INPP5D: variants seen among roughly 807,000 people sequenced by gnomAD.
The protein encoded by INPP5D is inositol polyphosphate-5-phosphatase D.
Under a neutral mutation model 122.9 loss-of-function variants are expected in INPP5D, and 33 were observed. That is an observed-to-expected ratio of 0.27 (90% CI 0.20 to 0.36). The LOEUF is 0.36. Among genes scored for constraint, INPP5D ranks in the 10% least tolerant of loss-of-function variants. INPP5D has a pLI of 1.00. For missense variants in INPP5D, 1,053 were observed against 1,412.7 expected, an observed-to-expected ratio of 0.75 and a Z score of 4.08; for synonymous variants, 584 against 576.2, an observed-to-expected ratio of 1.01 and a Z score of -0.19.
At chr2:233,135,262 T>C (rs1693436951) in intron 5 of INPP5D, among the ~76,000 whole-genome samples, 1 of 151,802 alleles carries the variant, frequency 6.6e-6, no homozygotes, top group Non-Finnish European at 1.5e-5. Flanking sequence ...AGTAGTGGGA[T>C]CATAGCTTAT....
At chr2:233,194,708 G>A (rs1695139230) in intron 23 of INPP5D, among the ~76,000 whole-genome samples, 2 of 152,174 alleles carry the variant, frequency 1.3e-5, no homozygotes, top group South Asian at 4.1e-4. Context: ...ACGTTGACTA[G>A]GCTAGTCTGG....
intron 9 of INPP5D, among the ~76,000 whole-genome samples, chr2:233,154,938 T>G (rs1694008011): frequency 6.6e-6 from 1 of 152,230 alleles, no homozygotes; most frequent in Admixed American, 6.5e-5. Flanking sequence ...ACTCAGTCAG[T>G]ACTGAAACCG....
At position 233,078,937 on chromosome 2, in the gene INPP5D, T is replaced by A. The variant is rs1236827935; in HGVS notation, c.135-398T>A. Among the ~76,000 whole-genome samples the A allele has an allele frequency of 6.6e-6, 1 of 152,140 alleles. No individual in the cohort carries two copies. The highest frequency in any genetic ancestry group is 1.5e-5 in the Non-Finnish European group (1 of 68,028). The stretch of plus-strand genomic sequence containing the variant: ...ACCTTGTGATCCACCCATCTCAGCC[T>A]CCCAAAGTGCTGGGATTACAGGCGT... On this transcript the variant is annotated intron_variant, in intron 1 of 26. Transcript: ENST00000445964. The surrounding 1 kb of genome is among the most constrained non-coding windows in gnomAD (Gnocchi z 4.6).
intron 2 of INPP5D, among the ~76,000 whole-genome samples, chr2:233,110,872 C>T (rs564454180): frequency 6.6e-6 from 1 of 151,908 alleles, no homozygotes; most frequent in African/African-American, 2.4e-5. Flanking sequence ...TTGCAGTGAG[C>T]CAAGATCACA....
intron 9 of INPP5D, among the ~76,000 whole-genome samples, chr2:233,151,247 A>C (rs925660085): frequency 6.6e-6 from 1 of 152,052 alleles, no homozygotes; most frequent in Non-Finnish European, 1.5e-5. Flanking sequence ...CTGAAGTGGG[A>C]GGATCACTTG....
At chr2:233,070,671 G>A (rs150332206) in intron 1 of INPP5D, among the ~76,000 whole-genome samples, 218 of 152,160 alleles carry the variant, frequency 1.4e-3, no homozygotes, top group African/African-American at 5.0e-3. Flanking sequence ...TCAAACTCCT[G>A]ACCTTGTGGT....
chr2:233,171,861 G>T (rs1694500246), intron 17 of INPP5D, among the ~76,000 whole-genome samples: 1 of 152,206 alleles, frequency 6.6e-6, no homozygotes, highest in South Asian at 2.1e-4. Context: ...CCCCTGGCAG[G>T]ATTCAAGGGT....
rs1445889093 is a variant in INPP5D, at chr2:233,158,390, C to A, written c.1108C>A (p.Arg370=). The A allele has an allele frequency of 4.3e-6, 3 of 703,374 alleles. No individual in the cohort carries two copies. Among genetic ancestry groups the A allele is most frequent in the East Asian group, 2.7e-5 (1 of 37,256 alleles). The allele number at this position is 703,374 out of a possible 1,614,324, so 43.6% of individuals were successfully genotyped here. A position where few individuals can be genotyped will look rare whatever the true frequency, so the allele number is the denominator to read the frequency against. Residue 370 remains arginine (R), a synonymous_variant, in exon 10 of 27, where the codon CGG becomes AGG. Transcript: ENST00000445964. ...LVETEKEKIL[R]KEYVFADSKK... ...GGAAACAGAGAAGGAGAAGATCCTG[C>A]GGAAGGAATATGTTTTTGCTGACTC...
In INPP5D at chr2:233,171,148, C is replaced by A; in HGVS notation, c.1985C>A (p.Thr662Lys). The change falls in exon 17 of 27, where the codon ACA (threonine) becomes AAA (lysine). Residue 662 changes from threonine (T) to lysine (K), a missense_variant. Physicochemically the swap from Thr to Lys is moderately conservative, Grantham distance 78. Transcript: ENST00000445964. ...TACGCCTACACCAAGCAGAAAGCGACAGGGGTGAGTCCTCTTCATAGACAC... is the reference window on the plus strand; with the variant it reads ...TACGCCTACACCAAGCAGAAAGCGAAAGGGGTGAGTCCTCTTCATAGACAC... Reference protein sequence around the residue: ...DKYAYTKQKATGMKYNLPSWC... With the variant: ...DKYAYTKQKAKGMKYNLPSWC... The A allele has an allele frequency of 6.2e-7, 1 of 1,613,686 alleles. No homozygotes were observed. Among genetic ancestry groups the A allele is most frequent in the Non-Finnish European group, 8.5e-7 (1 of 1,179,824 alleles).
chr2:233,150,830 G>A (rs1353671399), intron 9 of INPP5D, among the ~76,000 whole-genome samples: 1 of 152,108 alleles, frequency 6.6e-6, no homozygotes, highest in African/African-American at 2.4e-5. Flanking sequence ...GTGAGGGCAG[G>A]AGACTTCACA....
chr2:233,202,943 A>G (rs1294357628), intron 25 of INPP5D, among the ~76,000 whole-genome samples: 6 of 152,166 alleles, frequency 3.9e-5, no homozygotes, highest in African/African-American at 1.4e-4. Flanking sequence ...CAAGTGTCCA[A>G]GTTCCCTCTG....
At chr2:233,096,784 T>C (rs1447790619) in intron 2 of INPP5D, among the ~76,000 whole-genome samples, 1 of 152,222 alleles carries the variant, frequency 6.6e-6, no homozygotes, top group African/African-American at 2.4e-5. Context: ...AAACCCTTTA[T>C]ATGTTTTGTA....
intron 9 of INPP5D, among the ~76,000 whole-genome samples, chr2:233,152,864 G>T (rs889305818): frequency 2.6e-5 from 1 of 37,854 alleles, no homozygotes; most frequent in East Asian, 1.8e-3. Flanking sequence ...GTTTTCAGCT[G>T]GGGGGGGTGT....
chr2:233,071,300 A>G (rs1004867678), intron 1 of INPP5D, among the ~76,000 whole-genome samples: 1 of 124,264 alleles, frequency 8.0e-6, no homozygotes, highest in African/African-American at 3.1e-5. Context: ...CAAAAAAAGG[A>G]AAAAAAAAAA....
In INPP5D at chr2:233,189,704, C is replaced by G; in HGVS notation, c.2359-146C>G. On this transcript the variant is annotated intron_variant, in intron 21 of 26. Coordinates refer to ENST00000445964, the MANE Select transcript of INPP5D (RefSeq NM_001017915.3). This position sits in a 1 kb window ranked among gnomAD's most constrained non-coding sequence, Gnocchi z 5.6. ...ACAGGGTGTATGTGAAAGCTATACC[C>G]CACCTGCTCTCTTGGGTATGGACAG... is the stretch of plus-strand genomic sequence containing the variant. 1.6e-6 allele frequency: 2 copies of G among 1,216,682 alleles called. No individual in the cohort carries two copies. Among genetic ancestry groups the G allele is most frequent in the Non-Finnish European group, 2.2e-6 (2 of 900,106 alleles). The allele number at this position is 1,216,682 out of a possible 1,614,324, so 75.4% of individuals were successfully genotyped here.
intron 6 of INPP5D, among the ~76,000 whole-genome samples, chr2:233,142,411 G>T (rs1693652220): frequency 1.3e-5 from 2 of 152,212 alleles, no homozygotes; most frequent in African/African-American, 4.8e-5. Flanking sequence ...CTCCCCATCT[G>T]TGAAATGGGG....
Position 233,207,330 on chromosome 2 carries a change from T to C in INPP5D, c.*622T>C, listed in dbSNP as rs1259688115. On this transcript the variant is annotated 3_prime_UTR_variant, in exon 27 of 27. Coordinates refer to ENST00000445964, the MANE Select transcript of INPP5D (RefSeq NM_001017915.3). The surrounding 1 kb of genome is among the most constrained non-coding windows in gnomAD (Gnocchi z 4.6). ...TTTAGGGTACAAGAAGCCTGTTCTG[T>C]CCAGCTTCAGTGACACAAGCTGCTT... 6.5e-6 allele frequency: 1 copy of C among 152,786 alleles called. No individual in the cohort carries two copies. The highest frequency in any genetic ancestry group is 2.4e-5 in the African/African-American group (1 of 41,450). 9.5% of individuals were successfully genotyped at this position (152,786 alleles called of 1,614,324 possible).
intron 25 of INPP5D, among the ~76,000 whole-genome samples, chr2:233,199,964 G>T (rs532048792): frequency 6.6e-5 from 10 of 152,102 alleles, no homozygotes; most frequent in Admixed American, 5.9e-4. Context: ...CTTTTTTCTC[G>T]ACCATGAGGT....
At chr2:233,089,071 T>A (rs1302110368) in intron 2 of INPP5D, among the ~76,000 whole-genome samples, 2 of 152,148 alleles carry the variant, frequency 1.3e-5, no homozygotes, top group Non-Finnish European at 2.9e-5. Context: ...GCCTGCTCAC[T>A]GGGCATACGT....
Sources: allele counts gnomAD v4.1 joint callset (sites outside exome capture counted in the v4.1 genomes callset), GRCh38; gene constraint gnomAD v4.1.1; non-coding constraint Gnocchi (gnomAD v3.1); transcripts MANE v1.5; gene names NCBI Gene and HGNC (gene_info 2026-07-23, HGNC 2026-07-21).